Variants in CDH23 observed in about 807,000 individuals in gnomAD.
The protein encoded by CDH23 is cadherin related 23.
In CDH23, 189 loss-of-function variants were observed where a neutral mutation model predicts 317.1. That is an observed-to-expected ratio of 0.60 (90% CI 0.53 to 0.67). CDH23 has a LOEUF of 0.67. Among genes scored for constraint, CDH23 ranks in the 30% least tolerant of loss-of-function variants. The pLI is 0.00. For missense variants in CDH23, 4,401 were observed against 4,592.4 expected (o/e 0.96, Z 1.20); for synonymous variants, 1,839 against 1,876.8 (o/e 0.98, Z 0.52).
intron 3 of CDH23, among the ~76,000 whole-genome samples, chr10:71,476,521 G>A (rs1274903031): frequency 1.3e-5 from 2 of 152,180 alleles, no homozygotes; most frequent in Admixed American, 6.5e-5. Flanking sequence ...AAGATTTGGG[G>A]CTGGAACAGA....
At chr10:71,539,032 G>A (rs540372613) in intron 6 of CDH23, among the ~76,000 whole-genome samples, 3 of 152,212 alleles carry the variant, frequency 2.0e-5, no homozygotes, top group Non-Finnish European at 2.9e-5. Context: ...AGGGAACCTG[G>A]GGAGTTTCCG....
At chr10:71,784,244 T>C in intron 41 of CDH23, 43 bp from the exon 42 acceptor site, 1 of 1,595,002 alleles carries the variant, frequency 6.3e-7, no homozygotes, top group Non-Finnish European at 8.6e-7. Context: ...CCACAGTTCC[T>C]GCCAATGCCC....
At chr10:71,679,614 A>C in intron 17 of CDH23, 122 bp downstream of exon 17, 1 of 799,662 alleles carries the variant, frequency 1.3e-6, no homozygotes, top group South Asian at 1.6e-5. Flanking sequence ...TGGGCTACTC[A>C]GGAAGCTGCC....
intron 1 of CDH23, among the ~76,000 whole-genome samples, chr10:71,402,099 C>T (rs1847807089): frequency 1.3e-5 from 2 of 152,214 alleles, no homozygotes. Flanking sequence ...GGGTGGGCCG[C>T]TGCTGCCGCC....
intron 9 of CDH23, among the ~76,000 whole-genome samples, chr10:71,613,764 C>A (rs1168077985): frequency 1.3e-5 from 2 of 152,228 alleles, no homozygotes; most frequent in Non-Finnish European, 2.9e-5. Flanking sequence ...GACCTGGGAG[C>A]TACAGCCACT....
chr10:71,534,412 G>T (rs558116734), intron 6 of CDH23, among the ~76,000 whole-genome samples: 1 of 152,092 alleles, frequency 6.6e-6, no homozygotes. Flanking sequence ...ACTTCCCATC[G>T]CTGCGGAATC....
At chr10:71,710,618 G>A (rs1175968136) in intron 27 of CDH23, among the ~76,000 whole-genome samples, 7 of 152,362 alleles carry the variant, frequency 4.6e-5, no homozygotes, top group Non-Finnish European at 1.0e-4. Flanking sequence ...GGGACATTCA[G>A]GACATGGCCT....
At chr10:71,694,306 G>T in intron 21 of CDH23, 47 bp downstream of exon 21, 1 of 1,449,622 alleles carries the variant, frequency 6.9e-7, no homozygotes. Flanking sequence ...CGCCGGCCAG[G>T]CTGCTGCTCC....
intron 8 of CDH23, among the ~76,000 whole-genome samples, chr10:71,573,444 G>T (rs568237939): frequency 2.0e-5 from 3 of 152,192 alleles, no homozygotes; most frequent in Non-Finnish European, 4.4e-5. Flanking sequence ...TGATGCGGCT[G>T]GTCCCATGTG....
At chr10:71,433,503 G>A (rs1290279033) in intron 1 of CDH23, among the ~76,000 whole-genome samples, 5 of 152,096 alleles carry the variant, frequency 3.3e-5, no homozygotes, top group African/African-American at 7.2e-5. Context: ...CTCTGGTGGC[G>A]GTAAGCACCA....
At chr10:71,761,069 G>A (rs41305993) in intron 38 of CDH23, 33 of 765,204 alleles carry the variant, frequency 4.3e-5, no homozygotes, top group East Asian at 1.6e-4. Context: ...GCCTGCACAC[G>A]TGTGCACCCA....
intron 9 of CDH23, among the ~76,000 whole-genome samples, chr10:71,602,173 T>C (rs375771402): frequency 1.3e-5 from 2 of 149,516 alleles, no homozygotes; most frequent in East Asian, 4.1e-4. Flanking sequence ...TGATGGGTTC[T>C]CCTTCCACAG....
At position 71,572,302 on chromosome 10, in the gene CDH23, A is replaced by G. The variant is rs189091208; in HGVS notation, c.753+1384A>G. On this transcript the variant is annotated intron_variant, in intron 8 of 69. Coordinates refer to ENST00000224721, the MANE Select transcript of CDH23 (RefSeq NM_022124.6). ...CCCTTTTCTCTCTGCCCCTAGCCCA[A>G]CTTTGCCAGGCCGATACCTTCTCAG... is the stretch of plus-strand genomic sequence containing the variant. 9.2e-5 allele frequency among the ~76,000 whole-genome samples: 14 copies of G among 151,972 alleles called. No individual in the cohort carries two copies. In the East Asian group the frequency reaches 2.5e-3, roughly 27 times the overall value.
intron 3 of CDH23, among the ~76,000 whole-genome samples, chr10:71,456,441 G>A (rs1850701409): frequency 6.7e-6 from 1 of 148,824 alleles, no homozygotes; most frequent in African/African-American, 2.6e-5. Context: ...GGGTCCTTTG[G>A]GCTGTAGCCA....
intron 3 of CDH23, among the ~76,000 whole-genome samples, chr10:71,503,568 G>T (rs1223566352): frequency 6.6e-6 from 1 of 152,154 alleles, no homozygotes; most frequent in African/African-American, 2.4e-5. Context: ...TTAGGCTTAG[G>T]GATATGACAA....
chr10:71,446,337 C>T lies in CDH23; in HGVS notation c.87C>T (p.Pro29=), dbSNP rs1383455531. ...SGCWGQVNRL[P]FFTNHFFDTY... is the part of the protein sequence containing the mutation. ...TTCCAGGCCAGGTGAACCGGCTGCC[C>T]TTCTTCACCAACCACTTCTTTGATA... Residue 29 remains proline (P), a synonymous_variant, in exon 3 of 70, where the codon CCC becomes CCT. Transcript: ENST00000224721. 1 of 1,614,052 alleles carries T rather than the reference C, an allele frequency of 6.2e-7. No individual in the cohort carries two copies. The highest frequency in any genetic ancestry group is 2.2e-5 in the East Asian group (1 of 44,890).
chr10:71,803,154 G>C (rs1038980823), intron 54 of CDH23, 55 bp from the exon 55 acceptor site: 7 of 1,605,048 alleles, frequency 4.4e-6, no homozygotes, highest in Non-Finnish European at 1.7e-6. Flanking sequence ...CAGGAGTAGA[G>C]GGAAGCGTGG....
chr10:71,696,833 A>G (rs1207545450), intron 22 of CDH23, among the ~76,000 whole-genome samples: 1 of 152,220 alleles, frequency 6.6e-6, no homozygotes, highest in Non-Finnish European at 1.5e-5. Flanking sequence ...GGCCAGGTTT[A>G]GAAACCAGGA....
intron 52 of CDH23, 118 bp from the exon 53 acceptor site, chr10:71,800,518 T>C: frequency 8.2e-7 from 1 of 1,216,560 alleles, no homozygotes; most frequent in Non-Finnish European, 1.2e-6. Flanking sequence ...GCAGAGGTTA[T>C]TGTCTCTTTT....
Sources: allele counts gnomAD v4.1 joint callset (sites outside exome capture counted in the v4.1 genomes callset), GRCh38; gene constraint gnomAD v4.1.1; transcripts MANE v1.5; gene names NCBI Gene and HGNC (gene_info 2026-07-23, HGNC 2026-07-21).